Variants in RAPGEF1 observed in about 807,000 individuals in gnomAD.
The protein encoded by RAPGEF1 is CRK SH3-binding GNRP.
In RAPGEF1, 33 loss-of-function variants were observed where a neutral mutation model predicts 143.3. The observed-to-expected ratio is 0.23, with a 90% CI of 0.17 to 0.31. RAPGEF1 has a LOEUF of 0.31. Among genes scored for constraint, RAPGEF1 ranks in the 10% least tolerant of loss-of-function variants. The pLI, the probability that RAPGEF1 is intolerant of heterozygous loss-of-function variation, is 1.00. For synonymous variants in RAPGEF1, 629 were observed against 676.5 expected (o/e 0.93, Z 1.09); for missense variants, 1,199 against 1,645.4 (o/e 0.73, Z 4.69).
rs115941416 is a variant in RAPGEF1 at position 131,625,764 on chromosome 9, C to T, written c.1702+158G>A. Among the ~76,000 whole-genome samples, 685 of 152,312 alleles carry T rather than the reference C, an allele frequency of 4.5e-3. 5 individuals carry two copies. The highest frequency in any genetic ancestry group is 0.016 in the African/African-American group (649 of 41,562). ...CTTTAAAAATGATCACGTGTAATGACAAAACCTGGCTCCCAGAAGTGTCCA... is the reference window on the plus strand; with the variant it reads ...CTTTAAAAATGATCACGTGTAATGATAAAACCTGGCTCCCAGAAGTGTCCA... On this transcript the variant is annotated intron_variant, in intron 10 of 26. Transcript: ENST00000683357.
intron 12 of RAPGEF1, among the ~76,000 whole-genome samples, chr9:131,607,308 C>T (rs555749616): frequency 1.3e-5 from 2 of 152,306 alleles, no homozygotes; most frequent in South Asian, 4.1e-4. Context: ...CTGCTTGGTA[C>T]ACCCTGGCTT....
At position 131,699,538 on chromosome 9, in the gene RAPGEF1, C is replaced by T. The variant is rs748780451; in HGVS notation, c.61+40232G>A. On this transcript the variant is annotated intron_variant, in intron 1 of 26. Coordinates refer to ENST00000683357, the MANE Select transcript of RAPGEF1 (RefSeq NM_001377935.1). ...GGATTACAGGCATGAGGCACTGCGC[C>T]TGGCCCCACTGACACCTCTTGTCAA... Among the ~76,000 whole-genome samples the T allele has an allele frequency of 7.2e-4, 110 of 152,218 alleles. 1 individual carries two copies. The highest frequency in any genetic ancestry group is 4.6e-4 in the Admixed American group (7 of 15,282).
At chr9:131,654,304 A>G (rs921876110) in intron 1 of RAPGEF1, among the ~76,000 whole-genome samples, 10 of 152,182 alleles carry the variant, frequency 6.6e-5, no homozygotes, top group Non-Finnish European at 1.5e-4. Context: ...CAATAAAGCT[A>G]TTTTTTTAAA....
intron 1 of RAPGEF1, among the ~76,000 whole-genome samples, chr9:131,670,842 G>A (rs1301075523): frequency 3.9e-5 from 6 of 152,176 alleles, no homozygotes; most frequent in East Asian, 1.9e-4. Flanking sequence ...GCAAGAAAGC[G>A]GAGAAGGGGA....
rs1005268913 is a variant in RAPGEF1 at position 131,739,976 on chromosome 9, G to A, written c.-146C>T. 3.5e-6 allele frequency: 1 copy of A among 283,824 alleles called. No individual in the cohort carries two copies. Among genetic ancestry groups the A allele is most frequent in the Non-Finnish European group, 5.2e-6 (1 of 192,630 alleles). The allele number at this position is 283,824 out of a possible 1,614,324, so 17.6% of individuals were successfully genotyped here. ...GCGCTCGGCGACCGCGCTCCAGCCC[G>A]CCCGGGCCCAGCCGCTCCCGCCGCG... On this transcript the variant is annotated 5_prime_UTR_variant, in exon 1 of 27. Transcript: ENST00000683357.
At chr9:131,678,064 G>C (rs1233871476) in intron 1 of RAPGEF1, among the ~76,000 whole-genome samples, 1 of 152,206 alleles carries the variant, frequency 6.6e-6, no homozygotes, top group Non-Finnish European at 1.5e-5. Flanking sequence ...CGAGGTCAAC[G>C]CAAACCACGG....
intron 4 of RAPGEF1, among the ~76,000 whole-genome samples, chr9:131,640,048 G>A (rs2133262774): frequency 6.6e-6 from 1 of 152,352 alleles, no homozygotes; most frequent in East Asian, 1.9e-4. Context: ...AAGGAGCCCT[G>A]AGAAAGCCAG....
intron 12 of RAPGEF1, among the ~76,000 whole-genome samples, chr9:131,610,706 G>A (rs955181620): frequency 1.3e-5 from 2 of 152,204 alleles, no homozygotes; most frequent in Non-Finnish European, 2.9e-5. Flanking sequence ...CAGCACTGGC[G>A]CTGGGCTCAG....
intron 14 of RAPGEF1, among the ~76,000 whole-genome samples, chr9:131,602,916 C>T (rs1242990069): frequency 6.6e-6 from 1 of 152,216 alleles, no homozygotes; most frequent in African/African-American, 2.4e-5. Flanking sequence ...AGGCAAGGAG[C>T]CAGTGAGCCC....
At chr9:131,726,628 G>GAA (rs71374125) in intron 1 of RAPGEF1, among the ~76,000 whole-genome samples, 17 of 101,674 alleles carry the variant, frequency 1.7e-4, no homozygotes, top group Admixed American at 2.0e-4. Context: ...TCTGTCTCAA[G>GAA]AAAAAAAAAA....
chr9:131,603,098 TA>T (rs1423256111), intron 14 of RAPGEF1, among the ~76,000 whole-genome samples: 2 of 152,176 alleles, frequency 1.3e-5, no homozygotes, highest in African/African-American at 4.8e-5. Context: ...CAATGTTCTA[TA>T]ACCTGCTAAT....
At chr9:131,637,937 G>A (rs888044663) in intron 5 of RAPGEF1, among the ~76,000 whole-genome samples, 8 of 152,158 alleles carry the variant, frequency 5.3e-5, no homozygotes, top group African/African-American at 1.2e-4. Flanking sequence ...TACATTATAT[G>A]GCCTCACACA....
chr9:131,651,073 G>C, intron 1 of RAPGEF1, 124 bp from the exon 2 acceptor site: 3 of 1,230,660 alleles, frequency 2.4e-6, no homozygotes, highest in Admixed American at 5.9e-5. Flanking sequence ...AGAGTTTCAA[G>C]GGAAAGGACG....
At chr9:131,629,570 C>T (rs1204721797) in intron 6 of RAPGEF1, among the ~76,000 whole-genome samples, 1 of 152,128 alleles carries the variant, frequency 6.6e-6, no homozygotes, top group African/African-American at 2.4e-5. Context: ...GCGGGCAGAT[C>T]ACTTGAGGTT....
intron 15 of RAPGEF1, among the ~76,000 whole-genome samples, chr9:131,598,950 G>C (rs1333693097): frequency 2.0e-5 from 3 of 150,050 alleles, no homozygotes; most frequent in Non-Finnish European, 4.4e-5. Context: ...TCAGCCTCCT[G>C]AGTAGCTGGG....
intron 1 of RAPGEF1, among the ~76,000 whole-genome samples, chr9:131,686,417 T>C (rs1299728331): frequency 1.3e-5 from 2 of 152,194 alleles, no homozygotes; most frequent in African/African-American, 4.8e-5. Flanking sequence ...ATTTTGACTA[T>C]GGGTAATTGG....
At chr9:131,581,559 C>T (rs988417132) in intron 25 of RAPGEF1, among the ~76,000 whole-genome samples, 2 of 151,692 alleles carry the variant, frequency 1.3e-5, no homozygotes, top group African/African-American at 2.4e-5. Flanking sequence ...ATTAGCCAGG[C>T]GTGGTTGCGC....
intron 1 of RAPGEF1, among the ~76,000 whole-genome samples, chr9:131,722,069 T>C (rs1836306053): frequency 6.6e-6 from 1 of 152,150 alleles, no homozygotes. Flanking sequence ...ATTAAATCGA[T>C]AACGCCTTAC....
chr9:131,716,853 A>G (rs1465371882), intron 1 of RAPGEF1, among the ~76,000 whole-genome samples: 1 of 152,208 alleles, frequency 6.6e-6, no homozygotes, highest in Non-Finnish European at 1.5e-5. Context: ...ATTGGCATTC[A>G]AGGCCTTTTG....
Sources: gnomAD v4.1 joint callset for allele counts (sites outside exome capture counted in the v4.1 genomes callset) on GRCh38, gnomAD v4.1.1 for gene constraint, MANE v1.5 for transcripts, NCBI Gene and HGNC (gene_info 2026-07-23, HGNC 2026-07-21) for gene names.